The following BTBD9 variants were observed in gnomAD, a reference collection of about 807,000 sequenced individuals.
The protein encoded by BTBD9 is BTB/POZ domain-containing protein 9.
In BTBD9, 49 loss-of-function variants were observed where a neutral mutation model predicts 64.3. The observed-to-expected ratio is 0.76, with a 90% CI of 0.61 to 0.97. The LOEUF is 0.97. Ranked by LOEUF, BTBD9 falls within the 50% of genes least tolerant of loss-of-function variation. The pLI is 0.00. For missense variants in BTBD9, 598 were observed against 762.1 expected, an observed-to-expected ratio of 0.78 and a Z score of 2.53; for synonymous variants, 260 against 274.7, an observed-to-expected ratio of 0.95 and a Z score of 0.53.
intron 6 of BTBD9, among the ~76,000 whole-genome samples, chr6:38,386,849 C>T (rs561637953): frequency 9.3e-4 from 141 of 152,140 alleles, no homozygotes; most frequent in African/African-American, 3.3e-3. Context: ...CACCATGCTG[C>T]CCAGGCTGCT....
intron 6 of BTBD9, among the ~76,000 whole-genome samples, chr6:38,390,977 T>G (rs539169967): frequency 3.3e-5 from 5 of 152,362 alleles, no homozygotes; most frequent in African/African-American, 1.2e-4. Context: ...TAGGTCTCCC[T>G]AATTTACTCT....
intron 6 of BTBD9, among the ~76,000 whole-genome samples, chr6:38,562,090 AT>A (rs1212033137): frequency 6.3e-4 from 96 of 152,358 alleles, no homozygotes; most frequent in African/African-American, 2.1e-3. Context: ...CAAAGATCAA[AT>A]TATGATGTGG....
chr6:38,479,159 T>C (rs1273451804), intron 6 of BTBD9, among the ~76,000 whole-genome samples: 1 of 152,196 alleles, frequency 6.6e-6, no homozygotes, highest in Non-Finnish European at 1.5e-5. Flanking sequence ...GCTCTGGCTA[T>C]GAAAGAGTTT....
intron 6 of BTBD9, among the ~76,000 whole-genome samples, chr6:38,451,778 C>G (rs1769564676): frequency 6.6e-6 from 1 of 152,106 alleles, no homozygotes; most frequent in Non-Finnish European, 1.5e-5. Flanking sequence ...GAACTGCACT[C>G]TGAAAAGTAA....
intron 6 of BTBD9, among the ~76,000 whole-genome samples, chr6:38,420,955 G>A (rs1767875911): frequency 6.6e-6 from 1 of 152,124 alleles, no homozygotes; most frequent in African/African-American, 2.4e-5. Flanking sequence ...TAACTTATAT[G>A]CATTTTATAA....
chr6:38,336,579 T>A (rs574978977), intron 7 of BTBD9, among the ~76,000 whole-genome samples: 5 of 152,244 alleles, frequency 3.3e-5, no homozygotes, highest in African/African-American at 9.6e-5. Context: ...ACTGCCCCCA[T>A]GATTCAATTA....
chr6:38,545,004 A>G (rs1463301365), intron 6 of BTBD9, among the ~76,000 whole-genome samples: 1 of 150,718 alleles, frequency 6.6e-6, no homozygotes, highest in African/African-American at 2.4e-5. Context: ...CCTGAGAGGT[A>G]AGAGGAAGCC....
chr6:38,424,014 CT>C (rs965657529), intron 6 of BTBD9, among the ~76,000 whole-genome samples: 2 of 151,848 alleles, frequency 1.3e-5, no homozygotes, highest in Non-Finnish European at 1.5e-5. Flanking sequence ...TGGCATTCAA[CT>C]TTTTGTGTGA....
chr6:38,193,591 T>G (rs908242026), intron 9 of BTBD9, among the ~76,000 whole-genome samples: 1 of 152,146 alleles, frequency 6.6e-6, no homozygotes, highest in Non-Finnish European at 1.5e-5. Flanking sequence ...GTTCTGCTCT[T>G]GGTTGAACGC....
chr6:38,384,263 A>T (rs1021879190), intron 6 of BTBD9, among the ~76,000 whole-genome samples: 1 of 152,232 alleles, frequency 6.6e-6, no homozygotes, highest in African/African-American at 2.4e-5. Flanking sequence ...ACTGCATTAT[A>T]TAAAGTTTTA....
chr6:38,277,836 A>G (rs953270759), intron 8 of BTBD9, among the ~76,000 whole-genome samples: 1 of 152,212 alleles, frequency 6.6e-6, no homozygotes, highest in African/African-American at 2.4e-5. Flanking sequence ...AAAAATAAAC[A>G]GAACACATGA....
chr6:38,244,251 G>C (rs1251806168), intron 9 of BTBD9, among the ~76,000 whole-genome samples: 1 of 152,178 alleles, frequency 6.6e-6, no homozygotes, highest in Non-Finnish European at 1.5e-5. Context: ...CATTTCAGGG[G>C]AGGGGTTAAT....
chr6:38,308,377 C>T (rs1678990397), intron 7 of BTBD9, among the ~76,000 whole-genome samples: 2 of 152,140 alleles, frequency 1.3e-5, no homozygotes, highest in Admixed American at 6.5e-5. Flanking sequence ...GTAAACATAA[C>T]GTGATTTATA....
intron 6 of BTBD9, among the ~76,000 whole-genome samples, chr6:38,440,377 C>T (rs1768972939): frequency 6.6e-6 from 1 of 152,104 alleles, no homozygotes; most frequent in Non-Finnish European, 1.5e-5. Flanking sequence ...TTTCAAGGAG[C>T]AGGGTGTTAA....
rs532463578 is a variant in BTBD9 at position 38,480,397 on chromosome 6, C to T, written c.1154+97203G>A. Among the ~76,000 whole-genome samples, 30 of 152,254 alleles carry T rather than the reference C, an allele frequency of 2.0e-4. 1 individual carries two copies. Among genetic ancestry groups the T allele is most frequent in the South Asian group, 1.5e-3 (7 of 4,814 alleles). ...CCATTCCTGGAGTTAAGGCAGAAGA[C>T]CCACAGTACAGCACTCTGCTTAGGA... On this transcript the variant is annotated intron_variant, in intron 6 of 10. Coordinates refer to ENST00000481247, the MANE Select transcript of BTBD9 (RefSeq NM_001099272.2).
At chr6:38,354,732 G>GA (rs1482247775) in intron 6 of BTBD9, among the ~76,000 whole-genome samples, 4 of 151,536 alleles carry the variant, frequency 2.6e-5, no homozygotes, top group Non-Finnish European at 4.4e-5. Context: ...GATCGTTAAA[G>GA]AAAAAAAATC....
At position 38,488,248 on chromosome 6, in the gene BTBD9, A is replaced by C. The variant is rs564125247; in HGVS notation, c.1154+89352T>G. On this transcript the variant is annotated intron_variant, in intron 6 of 10. Transcript: ENST00000481247. Reference sequence around the variant, plus strand: ...CACCATGCCCAGCCCCTACAGGTTTAAGTGTCCAAGGGATTTTTTTTTTAA... The same window carrying C: ...CACCATGCCCAGCCCCTACAGGTTTCAGTGTCCAAGGGATTTTTTTTTTAA... 6.6e-5 allele frequency among the ~76,000 whole-genome samples: 10 copies of C among 152,206 alleles called. No individual in the cohort carries two copies. The South Asian group carries it at 2.1e-3, about 32-fold the overall frequency.
intron 6 of BTBD9, chr6:38,565,975 T>C (rs1378358392): frequency 6.6e-6 from 1 of 152,220 alleles, no homozygotes; most frequent in Non-Finnish European, 1.5e-5. Flanking sequence ...GTGAGTTATC[T>C]CGATTGTTCA....
intron 7 of BTBD9, among the ~76,000 whole-genome samples, chr6:38,304,562 A>AC (rs112199503): frequency 6.6e-6 from 1 of 151,868 alleles, no homozygotes; most frequent in African/African-American, 2.4e-5. Flanking sequence ...CAAACAAAAA[A>AC]AAAAAAAAAA....
Sources: allele counts gnomAD v4.1 joint callset (sites outside exome capture counted in the v4.1 genomes callset), GRCh38; gene constraint gnomAD v4.1.1; transcripts MANE v1.5; gene names NCBI Gene and HGNC (gene_info 2026-07-23, HGNC 2026-07-21).